Variants in PAPSS1 observed in about 807,000 individuals in gnomAD.
PAPSS1 encodes 3'-phosphoadenosine 5'-phosphosulfate synthase 1.
Under a neutral mutation model 72.0 loss-of-function variants are expected in PAPSS1, and 50 were observed. The observed-to-expected ratio is 0.69, with a 90% CI of 0.55 to 0.88. PAPSS1 has a LOEUF of 0.88. Ranked by LOEUF, PAPSS1 falls within the 40% of genes least tolerant of loss-of-function variation. The pLI, the probability that PAPSS1 is intolerant of heterozygous loss-of-function variation, is 0.00. For synonymous variants in PAPSS1, 261 were observed against 263.6 expected (o/e 0.99, Z 0.09); for missense variants, 657 against 782.2 (o/e 0.84, Z 1.91).
chr4:107,637,108 T>C (rs1247944594), intron 10 of PAPSS1, among the ~76,000 whole-genome samples: 1 of 152,232 alleles, frequency 6.6e-6, no homozygotes, highest in African/African-American at 2.4e-5. Flanking sequence ...AATAAGTCAA[T>C]GATCGCTGAT....
rs980082410 is a variant in PAPSS1 at position 107,656,928 on chromosome 4, A to T, written c.863T>A (p.Leu288Ter). ...LNGFMREREYLQCLHFDCLLD... is the reference protein window; with the variant it reads ...LNGFMREREY ...AAGACAATCAAAATGAAGGCACTGC[A>T]AGTACTCCCTCTCTCTCATAAAGCC... is the stretch of plus-strand genomic sequence containing the variant. Residue 288 changes from leucine (L) to a stop codon, truncating the protein, a stop_gained, in exon 7 of 12, where the codon TTG becomes TAG. Coordinates refer to ENST00000265174, the MANE Select transcript of PAPSS1 (RefSeq NM_005443.5). LOFTEE classifies it high-confidence loss of function. 1 of 1,612,794 alleles carries T rather than the reference A, an allele frequency of 6.2e-7. No individual in the cohort carries two copies. The highest frequency in any genetic ancestry group is 8.5e-7 in the Non-Finnish European group (1 of 1,178,898).
chr4:107,676,387 A>G (rs1019315186), intron 5 of PAPSS1, among the ~76,000 whole-genome samples: 4 of 152,202 alleles, frequency 2.6e-5, no homozygotes, highest in African/African-American at 7.2e-5. Context: ...TTATACACCA[A>G]TAACAGACAA....
intron 5 of PAPSS1, among the ~76,000 whole-genome samples, chr4:107,662,978 T>C (rs548778516): frequency 5.9e-5 from 9 of 152,328 alleles, no homozygotes; most frequent in Non-Finnish European, 1.0e-4. Flanking sequence ...CTTCGATATG[T>C]AAAGCCTCCA....
intron 2 of PAPSS1, among the ~76,000 whole-genome samples, chr4:107,700,763 C>T (rs952810824): frequency 6.6e-6 from 1 of 152,162 alleles, no homozygotes. Context: ...CTTGGACTTC[C>T]CAGCCTCCAG....
intron 5 of PAPSS1, among the ~76,000 whole-genome samples, chr4:107,671,532 T>C (rs1727467252): frequency 6.6e-6 from 1 of 152,116 alleles, no homozygotes; most frequent in Admixed American, 6.5e-5. Flanking sequence ...TATAAAATGG[T>C]ATCTATTAAA....
chr4:107,621,819 G>A lies in PAPSS1; in HGVS notation c.1737-7432C>T, dbSNP rs564094873. ...TTTTGTATTTTTTTTTAGTAGAGAC[G>A]GGGTTTCACCGTGTTAGCCAGGATG... On this transcript the variant is annotated intron_variant, in intron 11 of 11. Coordinates refer to ENST00000265174, the MANE Select transcript of PAPSS1 (RefSeq NM_005443.5). 4.6e-5 allele frequency among the ~76,000 whole-genome samples: 7 copies of A among 151,040 alleles called. No homozygotes were observed. The South Asian group carries it at 6.3e-4, about 14-fold the overall frequency.
chr4:107,635,911 G>C lies in PAPSS1; in HGVS notation c.1507-4051C>G, dbSNP rs147074034. ...GGACTTGGTGACATAGGTACACAGA[G>C]ACCCCTGGCTTAGTAAGTGTGCTTC... On this transcript the variant is annotated intron_variant, in intron 10 of 11. Coordinates refer to ENST00000265174, the MANE Select transcript of PAPSS1 (RefSeq NM_005443.5). Among the ~76,000 whole-genome samples, 627 of 152,290 alleles carry C rather than the reference G, an allele frequency of 4.1e-3. 5 individuals are homozygous for C. The highest frequency in any genetic ancestry group is 0.014 in the African/African-American group (591 of 41,560).
At chr4:107,687,505 T>C (rs1322342737) in intron 3 of PAPSS1, among the ~76,000 whole-genome samples, 1 of 152,176 alleles carries the variant, frequency 6.6e-6, no homozygotes, top group Non-Finnish European at 1.5e-5. Context: ...ATCAGGCTTC[T>C]CTCTAATATC....
chr4:107,678,246 T>TAAAA (rs3035994), intron 5 of PAPSS1, among the ~76,000 whole-genome samples: 100,400 of 151,192 alleles, frequency 0.66, 33,793 homozygotes, highest in South Asian at 0.82. Flanking sequence ...ATAAAAAAAA[T>TAAAA]AAGAGATGGA....
rs190795281 is a variant in PAPSS1, at chr4:107,668,259, A to G, written c.670-8187T>C. Among the ~76,000 whole-genome samples, 79 of 152,336 alleles carry G rather than the reference A, an allele frequency of 5.2e-4. 2 individuals are homozygous for G. Among genetic ancestry groups the G allele is most frequent in the East Asian group, 2.5e-3 (13 of 5,178 alleles). ...AATCTGTTTCCTTATCAGCAAAATG[A>G]AGATAATTATAAATACTTCTCAATT... is the stretch of plus-strand genomic sequence containing the variant. On this transcript the variant is annotated intron_variant, in intron 5 of 11. Transcript: ENST00000265174.
At chr4:107,696,671 G>C (rs2125934830) in intron 2 of PAPSS1, among the ~76,000 whole-genome samples, 1 of 152,024 alleles carries the variant, frequency 6.6e-6, no homozygotes, top group Non-Finnish European at 1.5e-5. Flanking sequence ...AACAGGTGCA[G>C]CAAACCACCG....
intron 9 of PAPSS1, among the ~76,000 whole-genome samples, chr4:107,649,013 C>T (rs977049048): frequency 4.6e-5 from 7 of 152,214 alleles, no homozygotes; most frequent in Non-Finnish European, 2.9e-5. Context: ...TTTCTATTCT[C>T]ATGACTAAAA....
At chr4:107,645,202 TG>T (rs1415318099) in intron 9 of PAPSS1, 132 bp from the exon 10 acceptor site, 3 of 471,510 alleles carry the variant, frequency 6.4e-6, no homozygotes, top group Non-Finnish European at 1.0e-5. Context: ...ATCAGAAAAC[TG>T]GTAAAAAAAA....
rs548196646 is a variant in PAPSS1, at chr4:107,704,726, G to A, written c.61-3441C>T. On this transcript the variant is annotated intron_variant, in intron 1 of 11. Transcript: ENST00000265174. The stretch of plus-strand genomic sequence containing the variant: ...CAGCACTTCAGAGGCCGAGGCAGGC[G>A]GATCACCTGAGGTCAGGGGTTTGAG... Among the ~76,000 whole-genome samples the A allele has an allele frequency of 3.3e-3, 497 of 152,200 alleles. 3 individuals carry two copies. The highest frequency in any genetic ancestry group is 5.6e-3 in the Non-Finnish European group (379 of 67,998).
chr4:107,714,814 C>G (rs1291981667), intron 1 of PAPSS1, among the ~76,000 whole-genome samples: 1 of 152,090 alleles, frequency 6.6e-6, no homozygotes, highest in Non-Finnish European at 1.5e-5. Context: ...CCTCAAAATT[C>G]AATGTAACAC....
At chr4:107,624,489 T>A (rs1210288643) in intron 11 of PAPSS1, among the ~76,000 whole-genome samples, 2 of 152,126 alleles carry the variant, frequency 1.3e-5, no homozygotes, top group African/African-American at 4.8e-5. Context: ...TTGCAAATAG[T>A]AAAGACTCCA....
chr4:107,618,508 G>A (rs1291767165), intron 11 of PAPSS1, among the ~76,000 whole-genome samples: 3 of 151,810 alleles, frequency 2.0e-5, no homozygotes, highest in Non-Finnish European at 4.4e-5. Flanking sequence ...GATGGAGAAG[G>A]AAGCCCAGGA....
At chr4:107,641,643 G>A (rs1726546528) in intron 10 of PAPSS1, among the ~76,000 whole-genome samples, 1 of 152,162 alleles carries the variant, frequency 6.6e-6, no homozygotes, top group Non-Finnish European at 1.5e-5. Flanking sequence ...TTCATTGAGT[G>A]ACACATGCAT....
chr4:107,676,635 A>G (rs899470303), intron 5 of PAPSS1, among the ~76,000 whole-genome samples: 4 of 152,220 alleles, frequency 2.6e-5, no homozygotes, highest in Non-Finnish European at 4.4e-5. Context: ...ATTCAATGCC[A>G]TCCCCATCAG....
Sources: allele counts gnomAD v4.1 joint callset (sites outside exome capture counted in the v4.1 genomes callset), GRCh38; gene constraint gnomAD v4.1.1; transcripts MANE v1.5; gene names NCBI Gene and HGNC (gene_info 2026-07-23, HGNC 2026-07-21).